Variants in SEMA6D observed in about 807,000 individuals in gnomAD.
The protein encoded by SEMA6D is semaphorin 6D.
In SEMA6D, 35 loss-of-function variants were observed where a neutral mutation model predicts 106.6. That is an observed-to-expected ratio of 0.33 (90% CI 0.25 to 0.44). SEMA6D has a LOEUF of 0.44. SEMA6D is among the 20% of genes least tolerant of loss of function. The pLI, the probability that SEMA6D is intolerant of heterozygous loss-of-function variation, is 1.00. For missense variants in SEMA6D, 1,185 were observed against 1,345.9 expected, an observed-to-expected ratio of 0.88 and a Z score of 1.87; for synonymous variants, 499 against 487.7, an observed-to-expected ratio of 1.02 and a Z score of -0.31.
Position 47,232,533 on chromosome 15 carries a change from GT to G in SEMA6D, c.-239+48116del, listed in dbSNP as rs2032273813. Among the ~76,000 whole-genome samples the G allele has an allele frequency of 3.3e-5, 5 of 149,682 alleles. No individual in the cohort carries two copies. The South Asian group carries it at 1.0e-3, about 31-fold the overall frequency. ...GTTATTCTATGGGGGGAGGGTGTGT[GT>G]GTGTGTGTGTGTGTGTGTGTGTATT... On this transcript the variant is annotated intron_variant, in intron 1 of 19. Transcript: ENST00000558014.
intron 1 of SEMA6D, among the ~76,000 whole-genome samples, chr15:47,231,862 A>G (rs137878887): frequency 1.7e-4 from 26 of 152,118 alleles, no homozygotes; most frequent in African/African-American, 6.0e-4. Flanking sequence ...CATAACATAA[A>G]ATTTATCATT....
chr15:47,512,354 A>T (rs2044258486), intron 3 of SEMA6D, among the ~76,000 whole-genome samples: 1 of 152,182 alleles, frequency 6.6e-6, no homozygotes, highest in South Asian at 2.1e-4. Context: ...TGTGATCATG[A>T]TAGAGAAAAT....
chr15:47,474,110 G>C (rs1244960874), intron 3 of SEMA6D, among the ~76,000 whole-genome samples: 2 of 152,144 alleles, frequency 1.3e-5, no homozygotes, highest in African/African-American at 4.8e-5. Context: ...TTTTCCCTTT[G>C]GCTCATGAAG....
chr15:47,369,672 T>C (rs1200755951), intron 1 of SEMA6D, among the ~76,000 whole-genome samples: 3 of 152,244 alleles, frequency 2.0e-5, no homozygotes, highest in Admixed American at 6.5e-5. Context: ...TACATTAGAA[T>C]TGTGTTGGAT....
chr15:47,396,228 T>TTACG (rs1244532772), intron 1 of SEMA6D: 1 of 152,112 alleles, frequency 6.6e-6, no homozygotes, highest in East Asian at 1.9e-4. Context: ...TGGTATTTTG[T>TTACG]TACGGCTGCT....
At chr15:47,488,179 A>G (rs1290903901) in intron 3 of SEMA6D, among the ~76,000 whole-genome samples, 2 of 152,136 alleles carry the variant, frequency 1.3e-5, no homozygotes, top group African/African-American at 4.8e-5. Context: ...TACTGGTAGT[A>G]TCTTCTTTGC....
chr15:47,721,724 A>C (rs1313364866), intron 1 of SEMA6D, among the ~76,000 whole-genome samples: 1 of 152,208 alleles, frequency 6.6e-6, no homozygotes, highest in Non-Finnish European at 1.5e-5. Context: ...AGGGCGATCA[A>C]ATCAGTGGTC....
chr15:47,404,736 C>T lies in SEMA6D; in HGVS notation c.-238-7657C>T, dbSNP rs281314. The stretch of plus-strand genomic sequence containing the variant: ...AGCTCACATGCTATTTTGCTAAAAG[C>T]GTGTGGGAGAGAAATTAGTGAGTAA... On this transcript the variant is annotated intron_variant, in intron 1 of 19. Transcript: ENST00000558014. Among the ~76,000 whole-genome samples, 1,310 of 152,154 alleles carry T rather than the reference C, an allele frequency of 8.6e-3. 21 individuals are homozygous for T. The highest frequency in any genetic ancestry group is 0.03 in the African/African-American group (1,251 of 41,484).
intron 3 of SEMA6D, among the ~76,000 whole-genome samples, chr15:47,492,891 T>C (rs2043516037): frequency 1.3e-5 from 2 of 152,130 alleles, no homozygotes; most frequent in South Asian, 4.1e-4. Context: ...ACTTAAATAT[T>C]GTCAAGTAAG....
intron 4 of SEMA6D, among the ~76,000 whole-genome samples, chr15:47,611,179 ACACACACG>A (rs1176284939): frequency 9.5e-4 from 136 of 142,650 alleles, no homozygotes; most frequent in Middle Eastern, 3.7e-3. Flanking sequence ...ACACACACAC[ACACACACG>A]CATGCACACA....
At chr15:47,321,805 C>T (rs1356925624) in intron 1 of SEMA6D, among the ~76,000 whole-genome samples, 1 of 152,108 alleles carries the variant, frequency 6.6e-6, no homozygotes, top group African/African-American at 2.4e-5. Flanking sequence ...CCATTTCAGT[C>T]CTGTTCTATT....
chr15:47,274,072 C>G (rs2034687901), intron 1 of SEMA6D: 1 of 152,068 alleles, frequency 6.6e-6, no homozygotes, highest in African/African-American at 2.4e-5. Context: ...CCACAAAGCC[C>G]CCATTATTGC....
intron 1 of SEMA6D, among the ~76,000 whole-genome samples, chr15:47,280,460 G>A (rs1394881169): frequency 6.8e-6 from 1 of 146,888 alleles, no homozygotes; most frequent in Non-Finnish European, 1.5e-5. Context: ...CAATTTTGTT[G>A]ATCCTTTCAA....
intron 3 of SEMA6D, among the ~76,000 whole-genome samples, chr15:47,580,698 A>G (rs1237923032): frequency 6.6e-6 from 1 of 152,232 alleles, no homozygotes; most frequent in Non-Finnish European, 1.5e-5. Flanking sequence ...GGTGCTGGGA[A>G]TATGGCAATG....
chr15:47,198,435 A>G (rs1304975821), intron 1 of SEMA6D, among the ~76,000 whole-genome samples: 1 of 152,128 alleles, frequency 6.6e-6, no homozygotes, highest in African/African-American at 2.4e-5. Context: ...ATATAAATAT[A>G]TACAATTTTA....
Position 47,752,825 on chromosome 15 carries a change from A to G in SEMA6D, c.-54-6920A>G, listed in dbSNP as rs183889145. On this transcript the variant is annotated intron_variant, in intron 1 of 18. Transcript: ENST00000536845. ...GGAGTTTGAGACCAGCCTGGCCAAC[A>G]TGATGAAACCCCACCTCTTCTAAAA... is the stretch of plus-strand genomic sequence containing the variant. Among the ~76,000 whole-genome samples, 70 of 152,176 alleles carry G rather than the reference A, an allele frequency of 4.6e-4. 2 individuals are homozygous for G. The East Asian group carries it at 0.012, about 27-fold the overall frequency.
At chr15:47,651,200 A>G (rs1275202812) in intron 4 of SEMA6D, among the ~76,000 whole-genome samples, 1 of 152,124 alleles carries the variant, frequency 6.6e-6, no homozygotes, top group Non-Finnish European at 1.5e-5. Context: ...GCTTGAGGCC[A>G]GGAATATGAG....
intron 4 of SEMA6D, among the ~76,000 whole-genome samples, chr15:47,687,414 C>G (rs1179769843): frequency 2.0e-5 from 3 of 151,846 alleles, no homozygotes; most frequent in African/African-American, 7.3e-5. Context: ...GTGATGTCTT[C>G]CATGCCCCAA....
Position 47,771,932 on chromosome 15 carries a change from A to T in SEMA6D, c.*147A>T. 1 of 796,972 alleles carries T rather than the reference A, an allele frequency of 1.3e-6. No homozygotes were observed. Among genetic ancestry groups the T allele is most frequent in the Non-Finnish European group, 2.0e-6 (1 of 502,554 alleles). 49.4% of individuals were successfully genotyped at this position (796,972 alleles called of 1,614,324 possible). On this transcript the variant is annotated 3_prime_UTR_variant, in exon 19 of 19. Transcript: ENST00000536845. ...AACTCTTTCTAACTTTGGCAACATC[A>T]GAACTTGCCACATGTAGCTACTGCA...
Sources: gnomAD v4.1 joint callset for allele counts (sites outside exome capture counted in the v4.1 genomes callset) on GRCh38, gnomAD v4.1.1 for gene constraint, MANE v1.5 for transcripts, NCBI Gene and HGNC (gene_info 2026-07-23, HGNC 2026-07-21) for gene names.